Variants in DPYSL5 observed in about 807,000 individuals in gnomAD.
The protein encoded by DPYSL5 is dihydropyrimidinase-related protein 5.
In DPYSL5, 9 loss-of-function variants were observed where a neutral mutation model predicts 58.4. The ratio of observed to expected loss-of-function variants is 0.15; its 90% confidence interval spans 0.09 to 0.27. DPYSL5 has a LOEUF of 0.27. DPYSL5 is among the 10% of genes least tolerant of loss of function. The probability of loss-of-function intolerance (pLI) is 1.00; values close to 1 mark genes in which losing one functional copy is unlikely to be tolerated. For synonymous variants in DPYSL5, 293 were observed against 301.9 expected (o/e 0.97, Z 0.31); for missense variants, 499 against 770.6 (o/e 0.65, Z 4.17).
At position 26,871,685 on chromosome 2, in the gene DPYSL5, C is replaced by T. The variant is rs190892728; in HGVS notation, c.-5+23431C>T. Among the ~76,000 whole-genome samples the T allele has an allele frequency of 4.5e-3, 680 of 152,172 alleles. 37 individuals carry two copies. In the East Asian group the frequency reaches 0.12, roughly 27 times the overall value. ...TGAACTCCTGGCTTCAAGTGATCCA[C>T]CCGCCTCGGCCTTCCAAAGTGCTGG... On this transcript the variant is annotated intron_variant, in intron 1 of 12. Coordinates refer to ENST00000288699, the MANE Select transcript of DPYSL5 (RefSeq NM_020134.4).
intron 1 of DPYSL5, among the ~76,000 whole-genome samples, chr2:26,876,764 C>T (rs767843227): frequency 1.3e-4 from 20 of 152,244 alleles, no homozygotes; most frequent in Non-Finnish European, 2.2e-4. Flanking sequence ...GATCCGCCCA[C>T]CTCGGCCTCC....
intron 2 of DPYSL5, among the ~76,000 whole-genome samples, chr2:26,913,996 C>T (rs1436101920): frequency 6.7e-6 from 1 of 148,694 alleles, no homozygotes; most frequent in African/African-American, 2.5e-5. Flanking sequence ...TATATACTAA[C>T]TTATCAGTGT....
intron 2 of DPYSL5, among the ~76,000 whole-genome samples, chr2:26,918,243 A>G (rs1664622680): frequency 6.6e-6 from 1 of 150,608 alleles, no homozygotes; most frequent in Non-Finnish European, 1.5e-5. Flanking sequence ...GGGCCTGGAC[A>G]GTGGGCTTGT....
At chr2:26,875,383 A>C (rs1055243566) in intron 1 of DPYSL5, among the ~76,000 whole-genome samples, 1 of 152,210 alleles carries the variant, frequency 6.6e-6, no homozygotes, top group Admixed American at 6.5e-5. Context: ...TGGGGAAGCA[A>C]GCAGCTGGTG....
rs945089740 is a variant in DPYSL5 at position 26,927,686 on chromosome 2, G to T, written c.600+254G>T. 6.6e-6 allele frequency among the ~76,000 whole-genome samples: 1 copy of T among 152,188 alleles called. No individual in the cohort carries two copies. Among genetic ancestry groups the T allele is most frequent in the Non-Finnish European group, 1.5e-5 (1 of 68,030 alleles). On this transcript the variant is annotated intron_variant, in intron 4 of 12. Coordinates refer to ENST00000288699, the MANE Select transcript of DPYSL5 (RefSeq NM_020134.4). The surrounding 1 kb of genome is among the most constrained non-coding windows in gnomAD (Gnocchi z 4.3). ...TAGGTGATGATGTCTTAATTCTAAT[G>T]ATATGAGATTTAAATTCCATTATAG...
intron 2 of DPYSL5, among the ~76,000 whole-genome samples, chr2:26,904,352 G>C (rs1464357592): frequency 6.6e-6 from 1 of 152,238 alleles, no homozygotes; most frequent in Non-Finnish European, 1.5e-5. Context: ...GTGGAATGAA[G>C]CCTATAAATG....
chr2:26,936,502 AC>A (rs1665181586), intron 8 of DPYSL5, among the ~76,000 whole-genome samples: 1 of 152,194 alleles, frequency 6.6e-6, no homozygotes, highest in African/African-American at 2.4e-5. Flanking sequence ...GGCAGTACGC[AC>A]CACGGCATGG....
chr2:26,927,405 T>C lies in DPYSL5; in HGVS notation c.573T>C (p.His191=). 1 of 1,614,186 alleles carries C rather than the reference T, an allele frequency of 6.2e-7. No individual in the cohort carries two copies. The change falls in exon 4 of 13, where the codon CAT becomes CAC. Residue 191 remains histidine, a synonymous_variant. Coordinates refer to ENST00000288699, the MANE Select transcript of DPYSL5 (RefSeq NM_020134.4). This position sits in a 1 kb window ranked among gnomAD's most constrained non-coding sequence, Gnocchi z 4.3. ...CKDIGAIARV[H]AENGELVAEG... Reference sequence around the variant, plus strand: ...ACATTGGGGCAATCGCCCGCGTCCATGCTGAAAATGGGGAGCTTGTGGCCG... The same window carrying C: ...ACATTGGGGCAATCGCCCGCGTCCACGCTGAAAATGGGGAGCTTGTGGCCG...
In DPYSL5 at chr2:26,858,793, T is replaced by G. The variant is rs983785349; in HGVS notation, c.-5+10539T>G. 7.9e-5 allele frequency among the ~76,000 whole-genome samples: 12 copies of G among 150,966 alleles called. No individual in the cohort carries two copies. In the East Asian group the frequency reaches 1.6e-3, roughly 20 times the overall value. On this transcript the variant is annotated intron_variant, in intron 1 of 12. Coordinates refer to ENST00000288699, the MANE Select transcript of DPYSL5 (RefSeq NM_020134.4). ...CTCCCTATGTTGCCCAGGCTGGTCT[T>G]GAACTGCTGGTCTCAAGCAATCCCC...
rs1290938721 is a variant in DPYSL5 at position 26,875,543 on chromosome 2, A to AGTATCTGGCGTGGAGTCC, written c.-4-22952_-4-22935dup. On this transcript the variant is annotated intron_variant, in intron 1 of 12. Coordinates refer to ENST00000288699, the MANE Select transcript of DPYSL5 (RefSeq NM_020134.4). Reference sequence around the variant, plus strand: ...CACACAGGCTTGGGCTCAGGGAGTCAGTATCTGGCGTGGAGTCCTGGGCCT... The same window carrying AGTATCTGGCGTGGAGTCC: ...CACACAGGCTTGGGCTCAGGGAGTCAGTATCTGGCGTGGAGTCCGTATCTGGCGTGGAGTCCTGGGCCT... Among the ~76,000 whole-genome samples, 11 of 152,340 alleles carry AGTATCTGGCGTGGAGTCC rather than the reference A, an allele frequency of 7.2e-5. No homozygotes were observed. The East Asian group carries it at 2.1e-3, about 29-fold the overall frequency.
At chr2:26,940,283 C>G (rs1665282575) in intron 9 of DPYSL5, 111 bp downstream of exon 9, 1 of 1,326,684 alleles carries the variant, frequency 7.5e-7, no homozygotes, top group Admixed American at 2.4e-5. Context: ...AAAGAATGTT[C>G]TTAGAAGGGC....
chr2:26,859,391 A>C (rs1203528813), intron 1 of DPYSL5, among the ~76,000 whole-genome samples: 1 of 152,104 alleles, frequency 6.6e-6, no homozygotes, highest in African/African-American at 2.4e-5. Context: ...TAGGGGGTAC[A>C]ATTCTATCTA....
intron 1 of DPYSL5, among the ~76,000 whole-genome samples, chr2:26,866,812 A>G (rs1191210297): frequency 6.6e-6 from 1 of 150,846 alleles, no homozygotes; most frequent in Admixed American, 6.6e-5. Context: ...GCTCACTGCA[A>G]CCTCCGTCTC....
chr2:26,928,673 GC>G (rs1209140614), intron 5 of DPYSL5, among the ~76,000 whole-genome samples: 1 of 109,662 alleles, frequency 9.1e-6, no homozygotes, highest in Non-Finnish European at 1.9e-5. Context: ...CTGCAATCCA[GC>G]CAAGGTGATA....
In DPYSL5 at chr2:26,925,039, A is replaced by C. The variant is rs372123034; in HGVS notation, c.414A>C (p.Ala138=). The C allele has an allele frequency of 5.0e-6, 8 of 1,613,862 alleles. No homozygotes were observed. The African/African-American group carries it at 8.0e-5, about 16-fold the overall frequency. ...YALHVGITWW[A]PKVKAEMETL... ...TCCACGTGGGGATCACCTGGTGGGC[A>C]CCCAAGGTAACAGTGCTGGTGGGAT... The change falls in exon 3 of 13, where the codon GCA becomes GCC. Residue 138 remains alanine, a synonymous_variant. Transcript: ENST00000288699. The surrounding 1 kb of genome is among the most constrained non-coding windows in gnomAD (Gnocchi z 4.5).
At chr2:26,860,632 C>T (rs1572671571) in intron 1 of DPYSL5, among the ~76,000 whole-genome samples, 1 of 152,154 alleles carries the variant, frequency 6.6e-6, no homozygotes, top group South Asian at 2.1e-4. Context: ...TAGACATGAC[C>T]TATCATTGGA....
chr2:26,919,570 A>G (rs1017991468), intron 2 of DPYSL5, among the ~76,000 whole-genome samples: 1 of 152,256 alleles, frequency 6.6e-6, no homozygotes, highest in African/African-American at 2.4e-5. Context: ...GTCAGGATAA[A>G]AACAAATTTC....
chr2:26,858,028 T>C lies in DPYSL5; in HGVS notation c.-5+9774T>C, dbSNP rs116610812. ...CCAGAGGAGCCTGCCAAGGCAGTCA[T>C]GAACTCCTAACTTGGCTGGTTTTTG... On this transcript the variant is annotated intron_variant, in intron 1 of 12. Coordinates refer to ENST00000288699, the MANE Select transcript of DPYSL5 (RefSeq NM_020134.4). 4.2e-3 allele frequency among the ~76,000 whole-genome samples: 639 copies of C among 152,352 alleles called. 8 individuals are homozygous for C. The highest frequency in any genetic ancestry group is 0.015 in the African/African-American group (610 of 41,584).
chr2:26,857,071 TC>T (rs1284467569), intron 1 of DPYSL5, among the ~76,000 whole-genome samples: 16 of 151,926 alleles, frequency 1.1e-4, no homozygotes, highest in African/African-American at 2.7e-4. Context: ...AACTCATGTT[TC>T]TTGAGGAAAA....
Sources: allele counts gnomAD v4.1 joint callset (sites outside exome capture counted in the v4.1 genomes callset), GRCh38; gene constraint gnomAD v4.1.1; non-coding constraint Gnocchi (gnomAD v3.1); transcripts MANE v1.5; gene names NCBI Gene and HGNC (gene_info 2026-07-23, HGNC 2026-07-21).